The following CDH6 variants were observed in gnomAD, a reference collection of about 807,000 sequenced individuals.
CDH6 encodes the protein cadherin 6.
A neutral mutation model predicts 78.0 loss-of-function variants in CDH6; 31 were observed. The ratio of observed to expected loss-of-function variants is 0.40; its 90% CI spans 0.30 to 0.54. CDH6 has a LOEUF of 0.54. CDH6 is among the 20% of genes least tolerant of loss of function. The pLI, the probability that CDH6 is intolerant of heterozygous loss-of-function variation, is 0.56. For missense variants in CDH6, 724 were observed against 975.9 expected (o/e 0.74, Z 3.44); for synonymous variants, 376 against 368.8 (o/e 1.02, Z -0.23).
At position 31,323,236 on chromosome 5, in the gene CDH6, T is replaced by A; in HGVS notation, c.2301T>A (p.Leu767=). The A allele has an allele frequency of 1.9e-6, 3 of 1,614,166 alleles. No individual in the cohort carries two copies. The highest frequency in any genetic ancestry group is 2.5e-6 in the Non-Finnish European group (3 of 1,179,990). The change falls in exon 12 of 12, where the codon CTT becomes CTA. Residue 767 remains leucine (L), a synonymous_variant. Coordinates refer to ENST00000265071, the MANE Select transcript of CDH6 (RefSeq NM_004932.4). The stretch of plus-strand genomic sequence containing the variant: ...ATGCAGATCAAGACTATGATTACCT[T>A]AGTGACTGGGGACCTCGATTCAAAA... ...TTDADQDYDY[L]SDWGPRFKKL...
At position 31,329,135 on chromosome 5, in the gene CDH6, G is replaced by T. The variant is rs181321838; in HGVS notation, c.*5827G>T. Reference sequence around the variant, plus strand: ...TTATATGATATTACTTAATAAACTGGTTTTTTTCTAACTTGCTTTTTTTTC... The same window carrying T: ...TTATATGATATTACTTAATAAACTGTTTTTTTTCTAACTTGCTTTTTTTTC... On this transcript the variant is annotated 3_prime_UTR_variant, in exon 12 of 12. Coordinates refer to ENST00000265071, the MANE Select transcript of CDH6 (RefSeq NM_004932.4). 112 of 186,332 alleles carry T rather than the reference G, an allele frequency of 6.0e-4. No individual in the cohort carries two copies. Among genetic ancestry groups the T allele is most frequent in the Admixed American group, 1.6e-3 (26 of 16,118 alleles). The allele number at this position is 186,332 out of a possible 1,614,324, so 11.5% of individuals were successfully genotyped here.
chr5:31,316,627 T>A (rs1056428188), intron 9 of CDH6, among the ~76,000 whole-genome samples: 1 of 152,246 alleles, frequency 6.6e-6, no homozygotes, highest in African/African-American at 2.4e-5. Flanking sequence ...TTAATTACCA[T>A]ATGTACTTGA....
intron 1 of CDH6, among the ~76,000 whole-genome samples, chr5:31,254,754 T>C (rs1443933925): frequency 6.6e-6 from 1 of 152,270 alleles, no homozygotes; most frequent in African/African-American, 2.4e-5. Flanking sequence ...TTATTTTTGA[T>C]ATTTTTTCTT....
intron 1 of CDH6, chr5:31,249,846 G>A (rs1257651275): frequency 6.6e-6 from 1 of 152,298 alleles, no homozygotes; most frequent in Non-Finnish European, 1.5e-5. Context: ...CTTCCCACTA[G>A]GGATTGGACC....
chr5:31,205,696 C>T (rs1350541065), intron 1 of CDH6, among the ~76,000 whole-genome samples: 1 of 152,098 alleles, frequency 6.6e-6, no homozygotes, highest in East Asian at 1.9e-4. Flanking sequence ...TATTTTCTAT[C>T]ATAAATAAAA....
At chr5:31,224,090 T>C (rs1741077429) in intron 1 of CDH6, among the ~76,000 whole-genome samples, 1 of 152,148 alleles carries the variant, frequency 6.6e-6, no homozygotes, top group South Asian at 2.1e-4. Context: ...TACCTGAAAC[T>C]GGGAAATTTA....
rs373429429 is a variant in CDH6 at position 31,197,582 on chromosome 5, TA to T, written c.-129+3698del. Reference sequence around the variant, plus strand: ...TCTCTGGTTTAAATATTTTTCTGAATAATGATTCTAAATTCAAAGACTCAAG... The same window carrying T: ...TCTCTGGTTTAAATATTTTTCTGAATATGATTCTAAATTCAAAGACTCAAG... On this transcript the variant is annotated intron_variant, in intron 1 of 11. Coordinates refer to ENST00000265071, the MANE Select transcript of CDH6 (RefSeq NM_004932.4). Among the ~76,000 whole-genome samples the T allele has an allele frequency of 2.6e-4, 39 of 152,332 alleles. No homozygotes were observed. The East Asian group carries it at 6.5e-3, about 26-fold the overall frequency.
At chr5:31,276,799 T>G (rs1434992598) in intron 2 of CDH6, among the ~76,000 whole-genome samples, 1 of 152,192 alleles carries the variant, frequency 6.6e-6, no homozygotes, top group East Asian at 1.9e-4. Context: ...CCTCGATTCC[T>G]CAACTGTTAA....
In CDH6 at chr5:31,308,612, C is replaced by A. The variant is rs541536079; in HGVS notation, c.1253+3185C>A. Reference sequence around the variant, plus strand: ...ACAAGCAAGGCTTGTGTACAAGCAACTTTCCTGAATGATGTGGGCATTTTA... The same window carrying A: ...ACAAGCAAGGCTTGTGTACAAGCAAATTTCCTGAATGATGTGGGCATTTTA... On this transcript the variant is annotated intron_variant, in intron 7 of 11. Transcript: ENST00000265071. 2.8e-4 allele frequency among the ~76,000 whole-genome samples: 43 copies of A among 152,162 alleles called. 1 individual carries two copies. The South Asian group carries it at 8.9e-3, about 32-fold the overall frequency.
intron 1 of CDH6, among the ~76,000 whole-genome samples, chr5:31,253,457 G>C (rs1741969775): frequency 6.6e-6 from 1 of 152,166 alleles, no homozygotes; most frequent in African/African-American, 2.4e-5. Flanking sequence ...CTGCTGAATT[G>C]TGAGCCAATT....
intron 1 of CDH6, among the ~76,000 whole-genome samples, chr5:31,233,418 G>A (rs1301933546): frequency 6.6e-6 from 1 of 151,854 alleles, no homozygotes; most frequent in African/African-American, 2.4e-5. Context: ...AGGAGGCCGA[G>A]GTGGGAGGAT....
intron 11 of CDH6, 60 bp downstream of exon 11, chr5:31,317,984 G>A: frequency 8.2e-6 from 13 of 1,584,692 alleles, no homozygotes; most frequent in Non-Finnish European, 1.1e-5. Flanking sequence ...CTGTTACTGT[G>A]ACACTCTAGA....
At position 31,270,010 on chromosome 5, in the gene CDH6, G is replaced by T. The variant is rs1013888586; in HGVS notation, c.228+2309G>T. Among the ~76,000 whole-genome samples, 215 of 152,072 alleles carry T rather than the reference G, an allele frequency of 1.4e-3. 3 individuals carry two copies. Among genetic ancestry groups the T allele is most frequent in the Non-Finnish European group, 5.9e-5 (4 of 68,020 alleles). Reference sequence around the variant, plus strand: ...CTCAAATTCCTCTTTGAAGTTATATGATATAAACAGATGAAACAATTAGAC... The same window carrying T: ...CTCAAATTCCTCTTTGAAGTTATATTATATAAACAGATGAAACAATTAGAC... On this transcript the variant is annotated intron_variant, in intron 2 of 11. Transcript: ENST00000265071.
chr5:31,242,264 C>A (rs944582540), intron 1 of CDH6, among the ~76,000 whole-genome samples: 4 of 152,180 alleles, frequency 2.6e-5, no homozygotes, highest in Non-Finnish European at 5.9e-5. Flanking sequence ...ACCATTCTAA[C>A]TATAAATTCA....
chr5:31,267,877 T>C (rs926560593), intron 2 of CDH6, among the ~76,000 whole-genome samples, 176 bp downstream of exon 2: 3 of 152,054 alleles, frequency 2.0e-5, no homozygotes, highest in Non-Finnish European at 2.9e-5. Context: ...AGCAAAAAGC[T>C]GAGAAATGTT....
chr5:31,225,080 G>T (rs1741112403), intron 1 of CDH6, among the ~76,000 whole-genome samples: 1 of 152,190 alleles, frequency 6.6e-6, no homozygotes, highest in South Asian at 2.1e-4. Context: ...ATCCTGCAAT[G>T]CACAGGACAG....
At chr5:31,216,669 G>A (rs1318216108) in intron 1 of CDH6, among the ~76,000 whole-genome samples, 8 of 100,878 alleles carry the variant, frequency 7.9e-5, no homozygotes, top group African/African-American at 3.0e-4. Flanking sequence ...CTGTAATATA[G>A]CAAGCCCTGC....
At chr5:31,308,746 T>G (rs1663436805) in intron 7 of CDH6, among the ~76,000 whole-genome samples, 1 of 152,126 alleles carries the variant, frequency 6.6e-6, no homozygotes, top group Non-Finnish European at 1.5e-5. Flanking sequence ...CAACTAAAAA[T>G]TCTCACCTCT....
chr5:31,270,413 C>T (rs928178020), intron 2 of CDH6, among the ~76,000 whole-genome samples: 3 of 152,174 alleles, frequency 2.0e-5, no homozygotes, highest in African/African-American at 7.2e-5. Flanking sequence ...CTCTTAACCA[C>T]ACTTACAAAT....
Sources: allele counts gnomAD v4.1 joint callset (sites outside exome capture counted in the v4.1 genomes callset), GRCh38; gene constraint gnomAD v4.1.1; transcripts MANE v1.5; gene names NCBI Gene and HGNC (gene_info 2026-07-23, HGNC 2026-07-21).